TNFSF4: variants seen among roughly 807,000 people sequenced by gnomAD.
The protein encoded by TNFSF4 is TNF superfamily member 4.
In TNFSF4, 4 loss-of-function variants were observed where a neutral mutation model predicts 7.3. The observed-to-expected ratio is 0.55, with a 90% CI of 0.27 to 1.25. The LOEUF (loss-of-function observed/expected upper bound fraction) is 1.25. Among genes scored for constraint, TNFSF4 ranks in the 50% most tolerant of loss-of-function variants. The pLI is 0.12. For synonymous variants in TNFSF4, 76 were observed against 83.7 expected (o/e 0.91, Z 0.50); for missense variants, 181 against 208.8 (o/e 0.87, Z 0.82).
At chr1:173,368,510 G>C in the TNFSF4 span, among the ~76,000 whole-genome samples, 4 of 152,180 alleles carry the variant, frequency 2.6e-5, no homozygotes, top group African/African-American at 9.7e-5. Flanking sequence ...CTGTTGGCCA[G>C]TTAAAAGTGA....
chr1:173,441,076 G>C, the TNFSF4 span, among the ~76,000 whole-genome samples: 1 of 152,088 alleles, frequency 6.6e-6, no homozygotes, highest in African/African-American at 2.4e-5. Flanking sequence ...TCAGAGCAGG[G>C]GTAACCTCCT....
the TNFSF4 span, among the ~76,000 whole-genome samples, chr1:173,244,911 G>A: frequency 1.3e-5 from 2 of 151,814 alleles, no homozygotes; most frequent in Non-Finnish European, 2.9e-5. Flanking sequence ...CTATGTAATT[G>A]GATCTTTTCT....
At chr1:173,223,457 A>G in the TNFSF4 span, among the ~76,000 whole-genome samples, 1 of 151,700 alleles carries the variant, frequency 6.6e-6, no homozygotes, top group Admixed American at 6.6e-5. Flanking sequence ...CGCCCCCCCA[A>G]AAAAAATAAG....
At chr1:173,283,478 C>G in the TNFSF4 span, among the ~76,000 whole-genome samples, 1 of 152,136 alleles carries the variant, frequency 6.6e-6, no homozygotes. Flanking sequence ...GTGAAATGGT[C>G]TCAGTTTGGC....
the TNFSF4 span, among the ~76,000 whole-genome samples, chr1:173,352,676 A>G: frequency 1.3e-5 from 2 of 152,210 alleles, no homozygotes; most frequent in African/African-American, 4.8e-5. Context: ...ATGAAGTTCC[A>G]TGTCCCACTG....
chr1:173,286,496 G>T, the TNFSF4 span, among the ~76,000 whole-genome samples: 1 of 152,162 alleles, frequency 6.6e-6, no homozygotes, highest in Non-Finnish European at 1.5e-5. Flanking sequence ...ATTCAGTCAG[G>T]AAAGTACAGT....
At chr1:173,174,681 A>AC in the TNFSF4 span, 7 of 151,934 alleles carry the variant, frequency 4.6e-5, no homozygotes, top group Non-Finnish European at 8.8e-5. Context: ...TGGGAGAACC[A>AC]CCCCCATGAT....
At chr1:173,370,200 T>C in the TNFSF4 span, among the ~76,000 whole-genome samples, 18 of 152,188 alleles carry the variant, frequency 1.2e-4, no homozygotes, top group Non-Finnish European at 2.1e-4. Flanking sequence ...GGGCAAACCT[T>C]CAATCTCACT....
At chr1:173,254,853 A>G in the TNFSF4 span, among the ~76,000 whole-genome samples, 2 of 152,244 alleles carry the variant, frequency 1.3e-5, no homozygotes, top group African/African-American at 4.8e-5. Context: ...ATCATAGAAA[A>G]TGGAATCATA....
chr1:173,399,750 CT>C, the TNFSF4 span, among the ~76,000 whole-genome samples: 17 of 152,342 alleles, frequency 1.1e-4, no homozygotes, highest in African/African-American at 3.6e-4. Flanking sequence ...CCAACCACCC[CT>C]GTCATCACCC....
chr1:173,445,278 G>A, the TNFSF4 span, among the ~76,000 whole-genome samples: 1 of 152,152 alleles, frequency 6.6e-6, no homozygotes, highest in Non-Finnish European at 1.5e-5. Context: ...ATTTGCACAG[G>A]ATTAAGTTTC....
the TNFSF4 span, among the ~76,000 whole-genome samples, chr1:173,385,698 G>A: frequency 3.3e-4 from 50 of 152,286 alleles, no homozygotes; most frequent in Non-Finnish European, 5.6e-4. Context: ...AATTAGCCAG[G>A]TGTGGTGGCA....
chr1:173,216,725 G>A, the TNFSF4 span, among the ~76,000 whole-genome samples: 28 of 151,982 alleles, frequency 1.8e-4, 1 homozygote, highest in African/African-American at 6.3e-4. Flanking sequence ...AAGTCTTTGG[G>A]GTATGTCCTT....
chr1:173,438,147 TAG>T, the TNFSF4 span, among the ~76,000 whole-genome samples: 1 of 152,150 alleles, frequency 6.6e-6, no homozygotes, highest in Non-Finnish European at 1.5e-5. Context: ...CTGACTAAAT[TAG>T]AGAGTATCTA....
the TNFSF4 span, among the ~76,000 whole-genome samples, chr1:173,277,343 G>A: frequency 6.6e-6 from 1 of 152,286 alleles, no homozygotes; most frequent in South Asian, 2.1e-4. Context: ...GAGGGAAAGT[G>A]CAGTCTTAAA....
chr1:173,429,401 T>C, the TNFSF4 span, among the ~76,000 whole-genome samples: 4 of 152,214 alleles, frequency 2.6e-5, no homozygotes, highest in African/African-American at 9.7e-5. Flanking sequence ...TCTTGTAGCA[T>C]CTGTTAGGTG....
chr1:173,200,736 G>C (rs2101996849), intron 1 of TNFSF4, among the ~76,000 whole-genome samples: 1 of 152,218 alleles, frequency 6.6e-6, no homozygotes, highest in Non-Finnish European at 1.5e-5. Flanking sequence ...GCTGCCGCTG[G>C]GGAGCCCAGC....
At chr1:173,350,079 T>A in the TNFSF4 span, among the ~76,000 whole-genome samples, 1 of 152,118 alleles carries the variant, frequency 6.6e-6, no homozygotes, top group Non-Finnish European at 1.5e-5. Context: ...ACTGTGTAGA[T>A]CAGACCCATC....
chr1:173,364,402 T>TACAC, the TNFSF4 span, among the ~76,000 whole-genome samples: 6 of 147,546 alleles, frequency 4.1e-5, no homozygotes, highest in East Asian at 3.9e-4. Flanking sequence ...TATATATATA[T>TACAC]ACACACACAC....
Sources: gnomAD v4.1 joint callset for allele counts (sites outside exome capture counted in the v4.1 genomes callset) on GRCh38, gnomAD v4.1.1 for gene constraint, MANE v1.5 for transcripts, NCBI Gene and HGNC (gene_info 2026-07-23, HGNC 2026-07-21) for gene names.